Variants in ASH1L observed in about 807,000 individuals in gnomAD.
ASH1L encodes histone-lysine N-methyltransferase ASH1L.
A neutral mutation model predicts 269.0 loss-of-function variants in ASH1L; 23 were observed. The observed-to-expected ratio is 0.09, with a 90% CI of 0.06 to 0.12. ASH1L has a LOEUF of 0.12. Ranked by LOEUF, ASH1L falls within the 10% of genes least tolerant of loss-of-function variation. The probability of loss-of-function intolerance (pLI) is 1.00; values close to 1 mark genes in which losing one functional copy is unlikely to be tolerated. For missense variants in ASH1L, 2,912 were observed against 3,567.8 expected, an observed-to-expected ratio of 0.82 and a Z score of 4.68; for synonymous variants, 1,187 against 1,253.5, an observed-to-expected ratio of 0.95 and a Z score of 1.12.
chr1:155,433,755 T>A lies in ASH1L; in HGVS notation c.5828+4572A>T, dbSNP rs138632458. Reference sequence around the variant, plus strand: ...ATCTGCCGCTTTGAGGGTCTGCAGCTTAGCTTCAAGAACATGTGTAAGCTG... The same window carrying A: ...ATCTGCCGCTTTGAGGGTCTGCAGCATAGCTTCAAGAACATGTGTAAGCTG... On this transcript the variant is annotated intron_variant, in intron 5 of 27. Coordinates refer to ENST00000392403, the MANE Select transcript of ASH1L (RefSeq NM_018489.3). The A allele has an allele frequency of 1.8e-3, 2,827 of 1,604,570 alleles. 52 individuals carry two copies. The African/African-American group carries it at 0.035, about 20-fold the overall frequency.
intron 5 of ASH1L, among the ~76,000 whole-genome samples, chr1:155,431,884 G>A (rs1466136399): frequency 6.6e-6 from 1 of 152,020 alleles, no homozygotes; most frequent in African/African-American, 2.4e-5. Flanking sequence ...CAAACTGCTG[G>A]GATTACAGGT....
intron 6 of ASH1L, among the ~76,000 whole-genome samples, chr1:155,414,436 A>T (rs1660044792): frequency 6.6e-6 from 1 of 152,150 alleles, no homozygotes. Context: ...CAGCCTCCCA[A>T]GTAGCTGGGA....
chr1:155,346,152 T>C lies in ASH1L; in HGVS notation c.7890+231A>G, dbSNP rs1236617221. The stretch of plus-strand genomic sequence containing the variant: ...CCCGGCCAAAAACCTTAGTTTTATA[T>C]AGTGCCATTCCTTCCACAGATTTCT... On this transcript the variant is annotated intron_variant, in intron 21 of 27. Coordinates refer to ENST00000392403, the MANE Select transcript of ASH1L (RefSeq NM_018489.3). 6 of 1,423,212 alleles carry C rather than the reference T, an allele frequency of 4.2e-6. No homozygotes were observed. The Admixed American group carries it at 8.4e-5, about 20-fold the overall frequency. The allele number at this position is 1,423,212 out of a possible 1,614,324, so 88.2% of individuals were successfully genotyped here. A position where few individuals can be genotyped will look rare whatever the true frequency, so the allele number is the denominator to read the frequency against.
intron 1 of ASH1L, among the ~76,000 whole-genome samples, chr1:155,527,334 C>T (rs982224159): frequency 1.3e-5 from 2 of 152,068 alleles, no homozygotes; most frequent in Admixed American, 6.6e-5. Flanking sequence ...ACCTCCAATC[C>T]TTGCTTTTTC....
intron 12 of ASH1L, among the ~76,000 whole-genome samples, chr1:155,365,498 C>T (rs1655337376): frequency 6.6e-6 from 1 of 151,256 alleles, no homozygotes; most frequent in Non-Finnish European, 1.5e-5. Context: ...GCTGGGATTA[C>T]AGGCATGAGC....
At chr1:155,443,444 T>C (rs560475351) in intron 4 of ASH1L, among the ~76,000 whole-genome samples, 5 of 152,364 alleles carry the variant, frequency 3.3e-5, no homozygotes, top group African/African-American at 1.2e-4. Flanking sequence ...AACTTCACTG[T>C]GGTAAAGTAC....
At chr1:155,369,874 A>C (rs1655778233) in intron 12 of ASH1L, among the ~76,000 whole-genome samples, 1 of 152,134 alleles carries the variant, frequency 6.6e-6, no homozygotes, top group South Asian at 2.1e-4. Context: ...GGTTCAAGTA[A>C]TTCTCCTGCC....
chr1:155,384,831 T>C (rs1468471334), intron 7 of ASH1L, among the ~76,000 whole-genome samples: 2 of 152,160 alleles, frequency 1.3e-5, no homozygotes, highest in African/African-American at 2.4e-5. Context: ...AAGTTTCCAG[T>C]TGTTATTTAC....
chr1:155,429,325 T>C (rs1000715116), intron 5 of ASH1L, among the ~76,000 whole-genome samples: 1 of 152,128 alleles, frequency 6.6e-6, no homozygotes, highest in African/African-American at 2.4e-5. Flanking sequence ...CCTGGGTGGA[T>C]TGCAGTGATG....
chr1:155,446,899 G>A (rs1158432057), intron 4 of ASH1L, among the ~76,000 whole-genome samples: 1 of 152,198 alleles, frequency 6.6e-6, no homozygotes, highest in Non-Finnish European at 1.5e-5. Context: ...CACCGCGCCC[G>A]GCGCTACATT....
In ASH1L at chr1:155,521,259, C is replaced by A. The variant is rs747561358; in HGVS notation, c.261G>T (p.Leu87Phe). The A allele has an allele frequency of 3.2e-5, 52 of 1,614,012 alleles. No homozygotes were observed. Among genetic ancestry groups the A allele is most frequent in the Non-Finnish European group, 4.1e-5 (48 of 1,180,022 alleles). ...TTCTCTTAGCCTGGAGGCCAATTTT[C>A]AATTTTAAATTTCCCTCTGAAAAGT... ...ETNFSEGNLK[L>F]KIGLQAKRTK... Residue 87 changes from leucine to phenylalanine, a missense_variant, in exon 2 of 28, where the codon TTG (leucine) becomes TTT (phenylalanine). Around this residue, in one of 13 missense-constraint regions of ASH1L, gnomAD observed 115 missense variants for 101.5 expected, o/e 1.13. Coordinates refer to ENST00000392403, the MANE Select transcript of ASH1L (RefSeq NM_018489.3).
At chr1:155,382,474 G>A (rs1657066304) in intron 7 of ASH1L, among the ~76,000 whole-genome samples, 1 of 152,078 alleles carries the variant, frequency 6.6e-6, no homozygotes, top group Non-Finnish European at 1.5e-5. Flanking sequence ...CTCCAGCCTG[G>A]GCGACAGAGC....
At chr1:155,371,224 A>T (rs1655913133) in intron 10 of ASH1L, among the ~76,000 whole-genome samples, 2 of 152,212 alleles carry the variant, frequency 1.3e-5, no homozygotes, top group Admixed American at 6.6e-5. Context: ...TCCACTCAGC[A>T]TCCTGGGTAA....
intron 20 of ASH1L, 104 bp downstream of exon 20, chr1:155,347,552 T>A (rs955065383): frequency 3.4e-6 from 5 of 1,461,220 alleles, no homozygotes; most frequent in Non-Finnish European, 4.7e-6. Context: ...TTACAGTTCA[T>A]AAACAGTCTT....
At chr1:155,509,594 T>G (rs1427654499) in intron 2 of ASH1L, among the ~76,000 whole-genome samples, 1 of 151,694 alleles carries the variant, frequency 6.6e-6, no homozygotes, top group Non-Finnish European at 1.5e-5. Flanking sequence ...AGGTTAGGAG[T>G]TCGAGACCAG....
chr1:155,485,067 G>A (rs1232729988), intron 2 of ASH1L, among the ~76,000 whole-genome samples: 2 of 150,770 alleles, frequency 1.3e-5, no homozygotes, highest in African/African-American at 4.9e-5. Flanking sequence ...GAGAGCAGTC[G>A]AACATGGTGA....
intron 8 of ASH1L, among the ~76,000 whole-genome samples, chr1:155,378,935 G>C (rs755646636): frequency 1.2e-4 from 18 of 152,130 alleles, no homozygotes; most frequent in South Asian, 2.1e-4. Flanking sequence ...TAGATGTCTG[G>C]GTGGGTACAT....
rs149044629 is a variant in ASH1L, at chr1:155,409,162, C to A, written c.6008+6582G>T. The stretch of plus-strand genomic sequence containing the variant: ...GCCTCAGCCTCCCAAATAGCTGGGA[C>A]TACAGGTTGCATGTCACCAGGCCTG... On this transcript the variant is annotated intron_variant, in intron 6 of 27. Transcript: ENST00000392403. 1.3e-4 allele frequency among the ~76,000 whole-genome samples: 19 copies of A among 151,974 alleles called. No individual in the cohort carries two copies. The East Asian group carries it at 3.7e-3, about 30-fold the overall frequency.
chr1:155,550,860 G>C (rs1671145213), intron 1 of ASH1L, among the ~76,000 whole-genome samples: 2 of 152,184 alleles, frequency 1.3e-5, no homozygotes, highest in South Asian at 2.1e-4. Flanking sequence ...ATCTCATCTT[G>C]TTGCCCAGGC....
Sources: gnomAD v4.1 joint callset for allele counts (sites outside exome capture counted in the v4.1 genomes callset) on GRCh38, gnomAD v4.1.1 for gene constraint, gnomAD v4.1.1 regional missense constraint, MANE v1.5 for transcripts, NCBI Gene and HGNC (gene_info 2026-07-23, HGNC 2026-07-21) for gene names.